Variants in HIPK2 observed in about 807,000 individuals in gnomAD.
HIPK2 encodes the protein homeodomain-interacting protein kinase 2.
In HIPK2, 27 loss-of-function variants were observed where a neutral mutation model predicts 113.7. The observed-to-expected ratio is 0.24, with a 90% CI of 0.17 to 0.33. The LOEUF (loss-of-function observed/expected upper bound fraction) is 0.33. Among genes scored for constraint, HIPK2 ranks in the 10% least tolerant of loss-of-function variants. HIPK2 has a pLI of 1.00. For synonymous variants in HIPK2, 631 were observed against 642.2 expected (o/e 0.98, Z 0.26); for missense variants, 1,257 against 1,588.0 (o/e 0.79, Z 3.54).
chr7:139,747,165 T>C (rs546274040), intron 1 of HIPK2, among the ~76,000 whole-genome samples: 8 of 152,092 alleles, frequency 5.3e-5, no homozygotes, highest in Non-Finnish European at 1.2e-4. Flanking sequence ...GTGACTACTC[T>C]CCAAACGGCA....
At chr7:139,748,903 ACTCAGCTTTGTGGGAGCAG>A (rs1263788470) in intron 1 of HIPK2, among the ~76,000 whole-genome samples, 1 of 152,164 alleles carries the variant, frequency 6.6e-6, no homozygotes, top group Admixed American at 6.5e-5. Flanking sequence ...ATTACTGGCT[ACTCAGCTTTGTGGGAGCAG>A]CTGGTGACCC....
chr7:139,691,260 A>G (rs1309003477), intron 2 of HIPK2, among the ~76,000 whole-genome samples: 1 of 152,216 alleles, frequency 6.6e-6, no homozygotes, highest in Non-Finnish European at 1.5e-5. Flanking sequence ...TTGTGCAAAC[A>G]TCTGGCACCC....
Position 139,569,097 on chromosome 7 carries a change from C to G in HIPK2, c.*3830G>C, listed in dbSNP as rs113119186. ...TTCAGAGGGGGTGCAGCCTGTGATG[C>G]CTGAGCAGCCGCCCAGCTTTGTTCA... is the stretch of plus-strand genomic sequence containing the variant. On this transcript the variant is annotated 3_prime_UTR_variant, in exon 15 of 15. Coordinates refer to ENST00000406875, the MANE Select transcript of HIPK2 (RefSeq NM_022740.5). 6.5e-6 allele frequency: 1 copy of G among 152,852 alleles called. No individual in the cohort carries two copies. The highest frequency in any genetic ancestry group is 1.5e-5 in the Non-Finnish European group (1 of 68,616). 9.5% of individuals were successfully genotyped at this position (152,852 alleles called of 1,614,324 possible). A position where few individuals can be genotyped will look rare whatever the true frequency, so the allele number is the denominator to read the frequency against.
intron 1 of HIPK2, among the ~76,000 whole-genome samples, chr7:139,748,947 C>T (rs1796236043): frequency 6.6e-6 from 1 of 152,238 alleles, no homozygotes; most frequent in Non-Finnish European, 1.5e-5. Context: ...CAGAAGCTAA[C>T]ACCACATGAG....
intron 2 of HIPK2, among the ~76,000 whole-genome samples, chr7:139,672,061 T>A (rs894618830): frequency 2.9e-4 from 41 of 141,614 alleles, no homozygotes; most frequent in African/African-American, 1.1e-3. Flanking sequence ...ATGAGTTTCT[T>A]ATAGTTTATG....
In HIPK2 at chr7:139,672,120, G is replaced by T. The variant is rs191920945; in HGVS notation, c.1104-40395C>A. Among the ~76,000 whole-genome samples, 197 of 152,206 alleles carry T rather than the reference G, an allele frequency of 1.3e-3. 2 individuals are homozygous for T. Among genetic ancestry groups the T allele is most frequent in the African/African-American group, 4.6e-3 (193 of 41,516 alleles). On this transcript the variant is annotated intron_variant, in intron 2 of 14. Coordinates refer to ENST00000406875, the MANE Select transcript of HIPK2 (RefSeq NM_022740.5). Reference sequence around the variant, plus strand: ...TCAATATTTATCTAGTGACCACAGTGTATGCTGAACACTGATTTAGATGCT... The same window carrying T: ...TCAATATTTATCTAGTGACCACAGTTTATGCTGAACACTGATTTAGATGCT...
rs1450096150 is a variant in HIPK2, at chr7:139,562,336, C to T, written c.*10591G>A. The T allele has an allele frequency of 6.6e-6, 1 of 152,202 alleles. No homozygotes were observed. Among genetic ancestry groups the T allele is most frequent in the East Asian group, 1.9e-4 (1 of 5,198 alleles). The allele number at this position is 152,202 out of a possible 1,614,324, so 9.4% of individuals were successfully genotyped here. A position where few individuals can be genotyped will look rare whatever the true frequency, so the allele number is the denominator to read the frequency against. ...AGAGAAAGATCTAGGTGAGATGACC[C>T]TGGGGAGGGAGCCACGTTCCTTGGA... On this transcript the variant is annotated 3_prime_UTR_variant, in exon 15 of 15. Coordinates refer to ENST00000406875, the MANE Select transcript of HIPK2 (RefSeq NM_022740.5).
At position 139,711,626 on chromosome 7, in the gene HIPK2, T is replaced by C. The variant is rs189281636; in HGVS notation, c.1103+4306A>G. ...AATCACTGATTACCCTTTGCCTGAA[T>C]GGCATGTCTTTTTGTTTGTGTTTTT... is the stretch of plus-strand genomic sequence containing the variant. On this transcript the variant is annotated intron_variant, in intron 2 of 14. Transcript: ENST00000406875. Among the ~76,000 whole-genome samples, 439 of 152,322 alleles carry C rather than the reference T, an allele frequency of 2.9e-3. 3 individuals are homozygous for C. The highest frequency in any genetic ancestry group is 3.3e-3 in the Non-Finnish European group (222 of 68,028).
intron 10 of HIPK2, among the ~76,000 whole-genome samples, chr7:139,602,991 G>C (rs1289186909): frequency 2.0e-5 from 3 of 152,194 alleles, no homozygotes; most frequent in Non-Finnish European, 4.4e-5. Context: ...CCAGGCTGGA[G>C]TGGTGGCATG....
At chr7:139,659,192 T>G (rs1801780589) in intron 2 of HIPK2, among the ~76,000 whole-genome samples, 1 of 152,170 alleles carries the variant, frequency 6.6e-6, no homozygotes, top group African/African-American at 2.4e-5. Context: ...GCCGCTTGTG[T>G]CCACATTTCC....
intron 2 of HIPK2, among the ~76,000 whole-genome samples, chr7:139,665,520 G>T (rs1422431107): frequency 1.3e-5 from 2 of 151,932 alleles, no homozygotes; most frequent in Non-Finnish European, 2.9e-5. Flanking sequence ...CGCTGACCTG[G>T]CTCTCCTGGA....
At chr7:139,740,941 G>C (rs1201244584) in intron 1 of HIPK2, among the ~76,000 whole-genome samples, 3 of 152,188 alleles carry the variant, frequency 2.0e-5, no homozygotes, top group Non-Finnish European at 4.4e-5. Flanking sequence ...GAGGTCAGGA[G>C]TTCAAGACCA....
chr7:139,713,392 C>G (rs1254132913), intron 2 of HIPK2, among the ~76,000 whole-genome samples: 1 of 152,174 alleles, frequency 6.6e-6, no homozygotes, highest in African/African-American at 2.4e-5. Flanking sequence ...CTCCTCAGCA[C>G]TAGGGGCACC....
At chr7:139,576,188 C>T (rs1333116050) in intron 13 of HIPK2, among the ~76,000 whole-genome samples, 1 of 152,240 alleles carries the variant, frequency 6.6e-6, no homozygotes, top group African/African-American at 2.4e-5. Context: ...GAGACTAAAT[C>T]ATCCGGGGAA....
intron 1 of HIPK2, among the ~76,000 whole-genome samples, chr7:139,734,637 A>G (rs912202310): frequency 1.3e-5 from 2 of 152,232 alleles, no homozygotes; most frequent in Admixed American, 1.3e-4. Context: ...TATTCATGGT[A>G]AGCTCACAAG....
intron 1 of HIPK2, among the ~76,000 whole-genome samples, chr7:139,746,917 T>A (rs1796199729): frequency 6.6e-6 from 1 of 152,150 alleles, no homozygotes. Flanking sequence ...GTTAGAGATA[T>A]TATAAGACTT....
rs147458451 is a variant in HIPK2 at position 139,670,241 on chromosome 7, G to C, written c.1104-38516C>G. Among the ~76,000 whole-genome samples, 203 of 152,206 alleles carry C rather than the reference G, an allele frequency of 1.3e-3. 1 individual carries two copies. The highest frequency in any genetic ancestry group is 3.4e-3 in the Middle Eastern group (1 of 294). On this transcript the variant is annotated intron_variant, in intron 2 of 14. Transcript: ENST00000406875. ...CAGACTCAAAGAGTCCCCCTGATCT[G>C]CATTCTGAATTGAGATTCTGGACAT...
chr7:139,581,782 G>C (rs1443332990), intron 13 of HIPK2, among the ~76,000 whole-genome samples: 2 of 152,340 alleles, frequency 1.3e-5, no homozygotes, highest in South Asian at 2.1e-4. Context: ...CACTGGCTGG[G>C]GAAGGGCAGG....
At chr7:139,579,489 G>A (rs958512711) in intron 13 of HIPK2, among the ~76,000 whole-genome samples, 1 of 152,106 alleles carries the variant, frequency 6.6e-6, no homozygotes, top group Non-Finnish European at 1.5e-5. Context: ...GATTGAATTC[G>A]GTTGGATCAA....
Sources: allele counts gnomAD v4.1 joint callset (sites outside exome capture counted in the v4.1 genomes callset), GRCh38; gene constraint gnomAD v4.1.1; transcripts MANE v1.5; gene names NCBI Gene and HGNC (gene_info 2026-07-23, HGNC 2026-07-21).